Variants in CIMAP1D observed in about 807,000 individuals in gnomAD.
The protein encoded by CIMAP1D is CIMAP1 family member D.
the CIMAP1D span, among the ~76,000 whole-genome samples, chr19:481,015 TGATGATGGAGAAGGAATGTGGGAAG>T: frequency 1.2e-5 from 1 of 82,762 alleles, no homozygotes; most frequent in Admixed American, 1.4e-4. Flanking sequence ...TGACGGAGAA[TGATGATGGAGAAGGAATGTGGGAAG>T]GATGATGGGG....
At chr19:464,489 C>G in the CIMAP1D span, 1 of 684,858 alleles carries the variant, frequency 1.5e-6, no homozygotes, top group Non-Finnish European at 2.6e-6. Flanking sequence ...GGGTGCCTTT[C>G]TCTCCCTTCC....
the CIMAP1D span, among the ~76,000 whole-genome samples, chr19:473,434 CACGATCACAG>C: frequency 1.7e-4 from 18 of 106,044 alleles, 4 homozygotes; most frequent in Non-Finnish European, 2.6e-4. Context: ...GGCAGAGATA[CACGATCACAG>C]ATGGGGAGAC....
chr19:481,392 G>T, the CIMAP1D span, among the ~76,000 whole-genome samples: 2 of 116,374 alleles, frequency 1.7e-5, no homozygotes, highest in Non-Finnish European at 3.3e-5. Context: ...ATGTGGGAAG[G>T]ATGATGGGGA....
the CIMAP1D span, chr19:474,990 C>T: frequency 2.5e-6 from 1 of 403,646 alleles, no homozygotes. Context: ...GAGTGTCGGC[C>T]AGGCGGCTGG....
the CIMAP1D span, among the ~76,000 whole-genome samples, chr19:484,472 C>T: frequency 6.6e-6 from 1 of 152,178 alleles, no homozygotes; most frequent in Non-Finnish European, 1.5e-5. Flanking sequence ...GGGTCTCATT[C>T]TGTGCTCAGG....
the CIMAP1D span, chr19:472,663 G>T: frequency 1.9e-6 from 1 of 530,248 alleles, no homozygotes; most frequent in South Asian, 2.5e-5. Context: ...GACAAAATGT[G>T]ATGCCTGCAT....
the CIMAP1D span, chr19:464,126 C>T: frequency 7.8e-7 from 1 of 1,283,164 alleles, no homozygotes. Flanking sequence ...CAGCAGGATC[C>T]TGCGGGGGGC....
At chr19:484,142 T>TTTC in the CIMAP1D span, among the ~76,000 whole-genome samples, 1 of 92,620 alleles carries the variant, frequency 1.1e-5, no homozygotes, top group Non-Finnish European at 2.7e-5. Flanking sequence ...TCTTTTTCTT[T>TTTC]TTTTTTTTTT....
At chr19:472,338 C>T in the CIMAP1D span, 1 of 1,090,098 alleles carries the variant, frequency 9.2e-7, no homozygotes, top group Admixed American at 3.2e-5. Context: ...ATCAGTGCTC[C>T]TGGGGGGAGA....
chr19:472,556 G>A, the CIMAP1D span: 1 of 1,298,786 alleles, frequency 7.7e-7, no homozygotes, highest in Non-Finnish European at 1.1e-6. Flanking sequence ...CGAAGAAGGA[G>A]CCCTGGACCC....
the CIMAP1D span, among the ~76,000 whole-genome samples, chr19:483,314 G>A: frequency 8.2e-6 from 1 of 122,534 alleles, no homozygotes; most frequent in Non-Finnish European, 1.6e-5. Flanking sequence ...AGCCCCAAAA[G>A]GCCACTCTAT....
At chr19:486,934 T>C in the CIMAP1D span, among the ~76,000 whole-genome samples, 1 of 151,562 alleles carries the variant, frequency 6.6e-6, no homozygotes, top group Non-Finnish European at 1.5e-5. Flanking sequence ...AGGAAAGAAA[T>C]AGAGATGGGG....
At chr19:488,004 C>T in the CIMAP1D span, among the ~76,000 whole-genome samples, 1 of 152,128 alleles carries the variant, frequency 6.6e-6, no homozygotes, top group South Asian at 2.1e-4. Flanking sequence ...ATGCAGCCCC[C>T]AGTCACGTAC....
chr19:483,504 T>C, the CIMAP1D span, among the ~76,000 whole-genome samples: 1 of 152,134 alleles, frequency 6.6e-6, no homozygotes, highest in African/African-American at 2.4e-5. Flanking sequence ...TATGAGATCA[T>C]GGTGGGCTGA....
At chr19:490,414 ACT>A in the CIMAP1D span, 43,262 of 156,666 alleles carry the variant, frequency 0.28, 6,255 homozygotes, top group East Asian at 0.34. Flanking sequence ...TATTTAATCC[ACT>A]GTGTCCAAAA....
chr19:476,641 A>G, the CIMAP1D span, among the ~76,000 whole-genome samples: 1 of 152,242 alleles, frequency 6.6e-6, no homozygotes, highest in Non-Finnish European at 1.5e-5. Context: ...AACAAGTCTT[A>G]GTACATATCA....
the CIMAP1D span, among the ~76,000 whole-genome samples, chr19:487,351 G>C: frequency 6.6e-6 from 1 of 152,024 alleles, no homozygotes; most frequent in Non-Finnish European, 1.5e-5. Flanking sequence ...GCACCACTTC[G>C]GTATTATGCC....
chr19:483,690 A>G, the CIMAP1D span, among the ~76,000 whole-genome samples: 1 of 152,188 alleles, frequency 6.6e-6, no homozygotes, highest in Non-Finnish European at 1.5e-5. Context: ...GGATGTCCAC[A>G]GGGCCTGCGG....
the CIMAP1D span, among the ~76,000 whole-genome samples, chr19:484,289 C>T: frequency 4.6e-5 from 7 of 151,704 alleles, no homozygotes; most frequent in African/African-American, 7.3e-5. Context: ...TACAGGTGTG[C>T]GCCACCACGC....
Sources: gnomAD v4.1 joint callset for allele counts (sites outside exome capture counted in the v4.1 genomes callset) on GRCh38, gnomAD v4.1.1 for gene constraint, MANE v1.5 for transcripts, NCBI Gene and HGNC (gene_info 2026-07-23, HGNC 2026-07-21) for gene names.